GABBR2: variants seen among roughly 807,000 people sequenced by gnomAD.
GABBR2 encodes gamma-aminobutyric acid type B receptor subunit 2.
GABBR2 carries 23 observed loss-of-function variants against 105.6 expected under a neutral mutation model. The ratio of observed to expected loss-of-function variants is 0.22; its 90% CI spans 0.16 to 0.31. The LOEUF (loss-of-function observed/expected upper bound fraction) is 0.31. Among genes scored for constraint, GABBR2 ranks in the 10% least tolerant of loss-of-function variants. GABBR2 has a pLI of 1.00. For synonymous variants in GABBR2, 478 were observed against 499.7 expected, an observed-to-expected ratio of 0.96 and a Z score of 0.58; for missense variants, 734 against 1,245.5, an observed-to-expected ratio of 0.59 and a Z score of 6.18.
At chr9:98,477,644 C>A (rs1176320999) in intron 5 of GABBR2, among the ~76,000 whole-genome samples, 1 of 152,116 alleles carries the variant, frequency 6.6e-6, no homozygotes, top group East Asian at 1.9e-4. Context: ...GCCCCATGAA[C>A]CCCTTTGGTT....
intron 1 of GABBR2, among the ~76,000 whole-genome samples, chr9:98,584,848 C>A (rs569027781): frequency 5.3e-5 from 8 of 152,314 alleles, no homozygotes; most frequent in African/African-American, 1.9e-4. Context: ...CGCAGGAGCA[C>A]TCAGTATCTG....
chr9:98,634,223 G>C (rs537971207), intron 1 of GABBR2, among the ~76,000 whole-genome samples: 20 of 152,314 alleles, frequency 1.3e-4, no homozygotes, highest in Admixed American at 1.1e-3. Flanking sequence ...TATACACGCA[G>C]GGAGGCCTAG....
chr9:98,533,112 T>C (rs1436138310), intron 3 of GABBR2, among the ~76,000 whole-genome samples: 1 of 152,176 alleles, frequency 6.6e-6, no homozygotes, highest in Non-Finnish European at 1.5e-5. Context: ...TCAGACTTGC[T>C]GACTCTGCCA....
intron 7 of GABBR2, among the ~76,000 whole-genome samples, chr9:98,438,029 C>T (rs1253564802): frequency 1.3e-5 from 2 of 151,786 alleles, no homozygotes; most frequent in African/African-American, 4.8e-5. Flanking sequence ...TATCCACCTA[C>T]CCACGTATCC....
At chr9:98,510,970 C>T (rs971984582) in intron 3 of GABBR2, among the ~76,000 whole-genome samples, 10 of 151,930 alleles carry the variant, frequency 6.6e-5, no homozygotes, top group Admixed American at 3.3e-4. Flanking sequence ...CAGCACCACA[C>T]CACACCTATT....
intron 1 of GABBR2, among the ~76,000 whole-genome samples, chr9:98,684,906 C>T (rs1447655402): frequency 6.6e-6 from 1 of 152,200 alleles, no homozygotes; most frequent in Non-Finnish European, 1.5e-5. Context: ...CAAAACTGCC[C>T]TGATCAAGGT....
intron 7 of GABBR2, among the ~76,000 whole-genome samples, chr9:98,419,105 G>A (rs1480577645): frequency 6.6e-6 from 1 of 152,248 alleles, no homozygotes; most frequent in Non-Finnish European, 1.5e-5. Context: ...GCCCGGGGGG[G>A]CGGTGGAGCA....
intron 11 of GABBR2, among the ~76,000 whole-genome samples, chr9:98,384,427 C>A (rs2131486782): frequency 6.6e-6 from 1 of 152,164 alleles, no homozygotes; most frequent in East Asian, 1.9e-4. Flanking sequence ...CCCGTCTCTA[C>A]TAAAAATATA....
chr9:98,473,441 C>A, intron 5 of GABBR2, 95 bp from the exon 6 acceptor site: 1 of 743,232 alleles, frequency 1.3e-6, no homozygotes, highest in East Asian at 2.6e-5. Context: ...CTTCCTCTTC[C>A]CAGAGGATTT....
chr9:98,620,247 TTC>T (rs112127893), intron 1 of GABBR2, among the ~76,000 whole-genome samples: 23 of 146,600 alleles, frequency 1.6e-4, no homozygotes, highest in South Asian at 4.4e-4. Flanking sequence ...TTTTCTCTCT[TTC>T]TCTCTCTCTC....
At position 98,578,070 on chromosome 9, in the gene GABBR2, G is replaced by T. The variant is rs145095054; in HGVS notation, c.324C>A (p.Cys108Ter). 6.2e-7 allele frequency: 1 copy of T among 1,613,482 alleles called. No homozygotes were observed. The highest frequency in any genetic ancestry group is 2.2e-5 in the East Asian group (1 of 44,866). Reference sequence around the variant, plus strand: ...AGGCTTTCAACCCTTTTGCGTTGTCGCACTGGGAAGCAACACATAGAAAGA... The same window carrying T: ...AGGCTTTCAACCCTTTTGCGTTGTCTCACTGGGAAGCAACACATAGAAAGA... ...FLDLRLYDTE[C>*]DNAKGLKAFY... Residue 108 changes from cysteine to a stop codon, truncating the protein, a stop_gained and splice_region_variant, in exon 2 of 19, where the codon TGC becomes TGA. Transcript: ENST00000259455. LOFTEE classifies it high-confidence loss of function.
intron 6 of GABBR2, among the ~76,000 whole-genome samples, chr9:98,462,971 C>A (rs1418308415): frequency 6.6e-6 from 1 of 152,218 alleles, no homozygotes; most frequent in East Asian, 1.9e-4. Context: ...TCACTATAAC[C>A]TCCGCCTCCT....
intron 7 of GABBR2, among the ~76,000 whole-genome samples, chr9:98,445,468 T>C (rs1826109481): frequency 6.6e-6 from 1 of 152,252 alleles, no homozygotes; most frequent in South Asian, 2.1e-4. Flanking sequence ...ATGGGTGTCT[T>C]AGATGGGGTC....
chr9:98,365,628 C>G (rs1407225179), intron 12 of GABBR2, among the ~76,000 whole-genome samples: 2 of 152,190 alleles, frequency 1.3e-5, no homozygotes, highest in Non-Finnish European at 2.9e-5. Flanking sequence ...TGAGTGCCTA[C>G]CCTGAGTCAG....
chr9:98,555,113 A>G (rs1828562360), intron 2 of GABBR2, among the ~76,000 whole-genome samples: 1 of 152,252 alleles, frequency 6.6e-6, no homozygotes. Flanking sequence ...GGCTTACAGT[A>G]GACCACAATT....
At chr9:98,433,155 GT>G (rs1335054846) in intron 7 of GABBR2, among the ~76,000 whole-genome samples, 4 of 152,224 alleles carry the variant, frequency 2.6e-5, no homozygotes, top group Non-Finnish European at 5.9e-5. Flanking sequence ...AGGGAATTTT[GT>G]GTACGCTGTG....
intron 11 of GABBR2, 28 bp from the exon 12 acceptor site, chr9:98,371,599 T>C (rs1831783952): frequency 8.0e-7 from 1 of 1,256,164 alleles, no homozygotes; most frequent in Non-Finnish European, 1.2e-6. Flanking sequence ...ACAGAGGCAT[T>C]GACCTTCCTT....
intron 8 of GABBR2, among the ~76,000 whole-genome samples, chr9:98,402,340 A>G (rs1832408883): frequency 6.6e-6 from 1 of 152,152 alleles, no homozygotes; most frequent in East Asian, 1.9e-4. Context: ...CTTAAGGGGA[A>G]AAAAGCCAAT....
chr9:98,410,165 G>C (rs917756469), intron 7 of GABBR2, among the ~76,000 whole-genome samples: 3 of 150,966 alleles, frequency 2.0e-5, no homozygotes, highest in Non-Finnish European at 4.4e-5. Context: ...ACTTCTCCCA[G>C]CACATGTAGT....
Sources: gnomAD v4.1 joint callset for allele counts (sites outside exome capture counted in the v4.1 genomes callset) on GRCh38, gnomAD v4.1.1 for gene constraint, MANE v1.5 for transcripts, NCBI Gene and HGNC (gene_info 2026-07-23, HGNC 2026-07-21) for gene names.